The following KLF13 variants were observed in gnomAD, a reference collection of about 807,000 sequenced individuals.
KLF13 encodes KLF transcription factor 13, also known as Krueppel-like factor 13.
In KLF13, 8 loss-of-function variants were observed where a neutral mutation model predicts 16.7. The ratio of observed to expected loss-of-function variants is 0.48; its 90% CI spans 0.28 to 0.87. The LOEUF (loss-of-function observed/expected upper bound fraction) is 0.87. Among genes scored for constraint, KLF13 ranks in the 40% least tolerant of loss-of-function variants. KLF13 has a pLI of 0.10. For missense variants in KLF13, 447 were observed against 452.2 expected (o/e 0.99, Z 0.10); for synonymous variants, 245 against 208.4 (o/e 1.18, Z -1.51).
intron 2 of KLF13, among the ~76,000 whole-genome samples, chr15:31,397,800 G>A (rs1337110917): frequency 6.6e-6 from 1 of 151,590 alleles, no homozygotes; most frequent in Non-Finnish European, 1.5e-5. Context: ...CTACACAGAT[G>A]AGGACGTGGA....
At chr15:31,401,892 G>A (rs2040041905) in intron 2 of KLF13, among the ~76,000 whole-genome samples, 1 of 152,204 alleles carries the variant, frequency 6.6e-6, no homozygotes, top group Non-Finnish European at 1.5e-5. Flanking sequence ...AAGCCACATA[G>A]CATCACTTAC....
intron 1 of KLF13, among the ~76,000 whole-genome samples, chr15:31,332,211 T>G (rs1408407472): frequency 1.3e-5 from 2 of 152,240 alleles, no homozygotes; most frequent in Admixed American, 1.3e-4. Flanking sequence ...GTTACTGTGT[T>G]ATGTTTTTCA....
chr15:31,400,319 T>C (rs1372627030), intron 2 of KLF13, among the ~76,000 whole-genome samples: 1 of 152,108 alleles, frequency 6.6e-6, no homozygotes, highest in Non-Finnish European at 1.5e-5. Context: ...TCCTCAGCAT[T>C]GTGTCAGATG....
chr15:31,369,530 C>G (rs1024039326), intron 1 of KLF13, among the ~76,000 whole-genome samples: 1 of 152,156 alleles, frequency 6.6e-6, no homozygotes, highest in African/African-American at 2.4e-5. Context: ...CCTGGAGTTT[C>G]TAATTGCCTC....
chr15:31,337,259 A>G (rs2038944911), intron 1 of KLF13, among the ~76,000 whole-genome samples: 1 of 152,132 alleles, frequency 6.6e-6, no homozygotes, highest in Non-Finnish European at 1.5e-5. Flanking sequence ...CGCCCGCCTT[A>G]CACGTGGAAG....
intron 1 of KLF13, among the ~76,000 whole-genome samples, chr15:31,424,992 A>G: frequency 6.6e-6 from 1 of 151,886 alleles, no homozygotes; most frequent in South Asian, 2.1e-4. Context: ...TATATCTAAC[A>G]ATGAACAATT....
intron 1 of KLF13, among the ~76,000 whole-genome samples, chr15:31,333,852 A>T (rs780552686): frequency 2.0e-5 from 3 of 152,114 alleles, no homozygotes; most frequent in Non-Finnish European, 4.4e-5. Context: ...AACAACTCAC[A>T]ATGTGGATTG....
chr15:31,380,907 C>T (rs2039715639), downstream of KLF13, among the ~76,000 whole-genome samples: 1 of 152,210 alleles, frequency 6.6e-6, no homozygotes, highest in African/African-American at 2.4e-5. Flanking sequence ...GGCACAGTGG[C>T]TTATGCCTGT....
intron 1 of KLF13, among the ~76,000 whole-genome samples, chr15:31,328,837 G>C (rs1288764708): frequency 1.3e-5 from 2 of 152,148 alleles, no homozygotes; most frequent in East Asian, 3.8e-4. Flanking sequence ...TGCTTCCTCT[G>C]AGCTCACGTG....
chr15:31,397,760 C>T (rs1483124562), intron 2 of KLF13, among the ~76,000 whole-genome samples: 1 of 151,654 alleles, frequency 6.6e-6, no homozygotes, highest in Non-Finnish European at 1.5e-5. Context: ...CCAGCAGCTC[C>T]TGGCACATCA....
chr15:31,412,481 A>G (rs560612396), intron 1 of KLF13, among the ~76,000 whole-genome samples: 1 of 152,356 alleles, frequency 6.6e-6, no homozygotes, highest in African/African-American at 2.4e-5. Context: ...ACTATGAAAA[A>G]AAAACACTTC....
chr15:31,391,168 G>T (rs1346424329), upstream of KLF13, among the ~76,000 whole-genome samples: 2 of 83,392 alleles, frequency 2.4e-5, no homozygotes, highest in Admixed American at 2.1e-4. Context: ...CTGTAGGGCT[G>T]AGGGGGTTGT....
intron 1 of KLF13, among the ~76,000 whole-genome samples, chr15:31,343,272 T>C (rs1360916831): frequency 6.6e-6 from 1 of 152,226 alleles, no homozygotes; most frequent in Non-Finnish European, 1.5e-5. Flanking sequence ...CAGCAAGGTC[T>C]GGGGTGGCCA....
At position 31,372,224 on chromosome 15, in the gene KLF13, G is replaced by A. The variant is rs756802740; in HGVS notation, c.792G>A (p.Ser264=). 2.6e-5 allele frequency: 42 copies of A among 1,593,378 alleles called. No homozygotes were observed. Among genetic ancestry groups the A allele is most frequent in the Admixed American group, 2.0e-4 (12 of 58,604 alleles). The change falls in exon 2 of 2, where the codon TCG becomes TCA. Residue 264 remains serine (S), a synonymous_variant. Coordinates refer to ENST00000307145, the MANE Select transcript of KLF13 (RefSeq NM_015995.4). ...PGMLQRRGGG[S]RTGSLSDYSR... is the part of the protein sequence containing the mutation. ...TGCTGCAGCGGCGCGGCGGGGGCTC[G>A]CGGACCGGCTCCCTCAGCGACTACA...
At chr15:31,383,563 G>A (rs545592873) in intron 1 of KLF13, among the ~76,000 whole-genome samples, 27 of 152,312 alleles carry the variant, frequency 1.8e-4, no homozygotes, top group South Asian at 8.3e-4. Context: ...TGAATGCAGC[G>A]AATGTCACAT....
At chr15:31,368,568 G>A (rs771577453) in intron 1 of KLF13, among the ~76,000 whole-genome samples, 2 of 151,920 alleles carry the variant, frequency 1.3e-5, no homozygotes, top group Non-Finnish European at 2.9e-5. Context: ...TTTTTAAAAG[G>A]CCCAAGCCAG....
At chr15:31,421,014 C>T (rs949319452) in intron 1 of KLF13, among the ~76,000 whole-genome samples, 5 of 151,980 alleles carry the variant, frequency 3.3e-5, no homozygotes, top group South Asian at 4.1e-4. Flanking sequence ...CTTTGTGTTG[C>T]CTTTTTAAGT....
intron 1 of KLF13, among the ~76,000 whole-genome samples, chr15:31,363,840 CT>C (rs2039423824): frequency 6.6e-6 from 1 of 152,308 alleles, no homozygotes; most frequent in Middle Eastern, 3.4e-3. Context: ...GAACTTCTGT[CT>C]TACAGTTTTC....
chr15:31,342,713 A>G (rs1378459233), intron 1 of KLF13, among the ~76,000 whole-genome samples: 7 of 151,262 alleles, frequency 4.6e-5, no homozygotes, highest in Non-Finnish European at 1.0e-4. Flanking sequence ...TTTTTTCTTT[A>G]TTTTCTTTCT....
Sources: gnomAD v4.1 joint callset for allele counts (sites outside exome capture counted in the v4.1 genomes callset) on GRCh38, gnomAD v4.1.1 for gene constraint, MANE v1.5 for transcripts, NCBI Gene and HGNC (gene_info 2026-07-23, HGNC 2026-07-21) for gene names.